The following ASB3 variants were observed in gnomAD, a reference collection of about 807,000 sequenced individuals.
The protein encoded by ASB3 is ankyrin repeat and SOCS box protein 3.
In ASB3, 41 loss-of-function variants were observed where a neutral mutation model predicts 54.5. That is an observed-to-expected ratio of 0.75 (90% confidence interval 0.59 to 0.98). The LOEUF (loss-of-function observed/expected upper bound fraction) is 0.98. Ranked by LOEUF, ASB3 falls within the 50% of genes least tolerant of loss-of-function variation. The pLI, the probability that ASB3 is intolerant of heterozygous loss-of-function variation, is 0.00. For missense variants in ASB3, 733 were observed against 620.0 expected (o/e 1.18, Z -1.94); for synonymous variants, 266 against 221.2 (o/e 1.20, Z -1.80).
intron 9 of ASB3, among the ~76,000 whole-genome samples, chr2:53,684,281 A>T (rs1373819297): frequency 6.6e-6 from 1 of 152,240 alleles, no homozygotes; most frequent in African/African-American, 2.4e-5. Context: ...AGTGGTTAGA[A>T]GTTCTCAAAT....
intron 7 of ASB3, among the ~76,000 whole-genome samples, chr2:53,713,104 T>C (rs952767562): frequency 1.5e-4 from 23 of 152,200 alleles, no homozygotes; most frequent in African/African-American, 4.3e-4. Flanking sequence ...TTTTGGAGGC[T>C]GGAGGCAGAC....
intron 9 of ASB3, among the ~76,000 whole-genome samples, chr2:53,675,396 A>G (rs1266215611): frequency 1.3e-5 from 2 of 152,204 alleles, no homozygotes; most frequent in Admixed American, 1.3e-4. Flanking sequence ...TTCATTTTTA[A>G]AGGTATAAGA....
chr2:53,742,957 A>T (rs562757638), intron 3 of ASB3, among the ~76,000 whole-genome samples: 36 of 152,306 alleles, frequency 2.4e-4, no homozygotes, highest in African/African-American at 8.2e-4. Flanking sequence ...ACTGTGTCAG[A>T]GAAAACTGAT....
At position 53,716,576 on chromosome 2, in the gene ASB3, C is replaced by G; in HGVS notation, c.772G>C (p.Gly258Arg). 1.2e-6 allele frequency: 2 copies of G among 1,612,070 alleles called. No individual in the cohort carries two copies. The highest frequency in any genetic ancestry group is 1.7e-6 in the Non-Finnish European group (2 of 1,179,094). The change falls in exon 6 of 10, where the codon GGC (glycine) becomes CGC (arginine). Residue 258 changes from glycine (G) to arginine (R), a missense_variant. Gly to Arg is a moderately radical substitution (Grantham distance 125). Coordinates refer to ENST00000263634, the MANE Select transcript of ASB3 (RefSeq NM_016115.5). The part of the protein sequence containing the change: ...QLPIHAAAQM[G>R]HTKILDLLIP... ...GTTTTTAACACTTACTTTGTATGGC[C>G]CATTTGTGCAGCTGCATGAATAGGT...
At chr2:53,716,494 G>T (rs1187854311) in intron 6 of ASB3, 72 bp downstream of exon 6, 1 of 1,554,230 alleles carries the variant, frequency 6.4e-7, no homozygotes, top group Non-Finnish European at 8.7e-7. Flanking sequence ...GAGGTGAAGG[G>T]TCTAGCCCAG....
At chr2:53,698,149 C>T (rs146907957) in intron 8 of ASB3, among the ~76,000 whole-genome samples, 3 of 152,144 alleles carry the variant, frequency 2.0e-5, no homozygotes, top group African/African-American at 7.2e-5. Flanking sequence ...GGAATCCATG[C>T]CCCCACAGCT....
At chr2:53,747,681 A>C (rs543334207) in intron 3 of ASB3, among the ~76,000 whole-genome samples, 1 of 152,340 alleles carries the variant, frequency 6.6e-6, no homozygotes, top group Non-Finnish European at 1.5e-5. Context: ...TGAGTTTGGG[A>C]GTTACAACAG....
At chr2:53,778,050 A>T (rs1485059898) in intron 1 of ASB3, among the ~76,000 whole-genome samples, 2 of 151,538 alleles carry the variant, frequency 1.3e-5, no homozygotes, top group East Asian at 3.9e-4. Context: ...TTGGGAGGCT[A>T]AGCCAGGAGA....
At chr2:53,693,598 T>C (rs1376195858) in intron 9 of ASB3, among the ~76,000 whole-genome samples, 1 of 152,170 alleles carries the variant, frequency 6.6e-6, no homozygotes, top group Non-Finnish European at 1.5e-5. Context: ...CTTTTGTGTA[T>C]ATAATCCTTA....
intron 1 of ASB3, among the ~76,000 whole-genome samples, chr2:53,772,154 G>A (rs890739026): frequency 6.6e-6 from 1 of 151,336 alleles, no homozygotes; most frequent in Non-Finnish European, 1.5e-5. Flanking sequence ...ACAACGTACA[G>A]ACAAATAGCA....
At chr2:53,682,570 G>A (rs570457022) in intron 9 of ASB3, among the ~76,000 whole-genome samples, 6 of 152,082 alleles carry the variant, frequency 3.9e-5, no homozygotes, top group Admixed American at 1.3e-4. Context: ...TCCACCTCTC[G>A]GGTTCAAGTG....
intron 7 of ASB3, among the ~76,000 whole-genome samples, chr2:53,711,729 G>A (rs1331196945): frequency 7.3e-5 from 11 of 151,666 alleles, no homozygotes; most frequent in East Asian, 1.9e-4. Flanking sequence ...AGCCCAGATC[G>A]CGCCACTGTA....
At chr2:53,741,902 T>C (rs1464488305) in intron 3 of ASB3, among the ~76,000 whole-genome samples, 2 of 152,098 alleles carry the variant, frequency 1.3e-5, no homozygotes, top group Middle Eastern at 3.2e-3. Flanking sequence ...TAAAAGGGGC[T>C]CCAAAAGAAT....
chr2:53,706,327 C>T (rs1487076126), intron 7 of ASB3, among the ~76,000 whole-genome samples: 2 of 152,228 alleles, frequency 1.3e-5, no homozygotes, highest in South Asian at 4.1e-4. Flanking sequence ...ATTTTTAATG[C>T]CTAATAGGAG....
intron 7 of ASB3, among the ~76,000 whole-genome samples, chr2:53,713,174 G>A (rs775439457): frequency 5.9e-5 from 9 of 152,086 alleles, no homozygotes; most frequent in Non-Finnish European, 1.3e-4. Context: ...CTACTAAAAC[G>A]TGTAAGCTTA....
chr2:53,686,347 T>G (rs1289351120), intron 9 of ASB3, among the ~76,000 whole-genome samples: 1 of 152,150 alleles, frequency 6.6e-6, no homozygotes, highest in African/African-American at 2.4e-5. Flanking sequence ...AACTCTGCAT[T>G]AACCCCTTAA....
Position 53,741,943 on chromosome 2 carries a change from AGAG to A in ASB3, c.355+8837_355+8839del, listed in dbSNP as rs1671954653. Among the ~76,000 whole-genome samples the A allele has an allele frequency of 2.0e-5, 3 of 152,200 alleles. No individual in the cohort carries two copies. The South Asian group carries it at 6.2e-4, about 31-fold the overall frequency. ...TCAATCCTGGGTACTTGTGGGAGAA[AGAG>A]GACAGATGTGTCAGCTGCACATCTA... is the stretch of plus-strand genomic sequence containing the variant. On this transcript the variant is annotated intron_variant, in intron 3 of 9. Transcript: ENST00000263634.
intron 9 of ASB3, among the ~76,000 whole-genome samples, chr2:53,686,202 T>C (rs1668623438): frequency 6.6e-6 from 1 of 152,218 alleles, no homozygotes; most frequent in East Asian, 1.9e-4. Flanking sequence ...ATGAGAGCTC[T>C]CGTGATTGGG....
At chr2:53,765,633 T>G in intron 1 of ASB3, 48 bp from the exon 2 acceptor site, 1 of 1,608,374 alleles carries the variant, frequency 6.2e-7, no homozygotes, top group Non-Finnish European at 8.5e-7. Context: ...AAAACAACAC[T>G]TCACTCCTAG....
Sources: allele counts gnomAD v4.1 joint callset (sites outside exome capture counted in the v4.1 genomes callset), GRCh38; gene constraint gnomAD v4.1.1; transcripts MANE v1.5; gene names NCBI Gene and HGNC (gene_info 2026-07-23, HGNC 2026-07-21).